WDR37: variants seen among roughly 807,000 people sequenced by gnomAD.
WDR37 encodes the protein WD repeat domain 37.
A neutral mutation model predicts 62.9 loss-of-function variants in WDR37; 19 were observed. That is an observed-to-expected ratio of 0.30 (90% CI 0.21 to 0.44). The LOEUF (loss-of-function observed/expected upper bound fraction) is 0.44. WDR37 is among the 20% of genes least tolerant of loss of function. The probability of loss-of-function intolerance (pLI) is 1.00; values close to 1 mark genes in which losing one functional copy is unlikely to be tolerated. For synonymous variants in WDR37, 250 were observed against 260.9 expected, an observed-to-expected ratio of 0.96 and a Z score of 0.40; for missense variants, 474 against 657.6, an observed-to-expected ratio of 0.72 and a Z score of 3.05.
chr10:1,062,005 CTTT>C (rs113914265), intron 1 of WDR37, among the ~76,000 whole-genome samples: 10 of 144,226 alleles, frequency 6.9e-5, no homozygotes, highest in African/African-American at 1.0e-4. Flanking sequence ...TGGTCTTGAG[CTTT>C]TTTTTTTTTG....
intron 1 of WDR37, among the ~76,000 whole-genome samples, chr10:1,061,818 C>T (rs1461361079): frequency 7.0e-6 from 1 of 142,112 alleles, no homozygotes; most frequent in Non-Finnish European, 1.5e-5. Flanking sequence ...CCAGCCTGGG[C>T]AACAGTGGAG....
At chr10:1,127,467 T>C (rs1192958665) in intron 13 of WDR37, among the ~76,000 whole-genome samples, 1 of 130,926 alleles carries the variant, frequency 7.6e-6, no homozygotes, top group African/African-American at 3.5e-5. Context: ...ATCACTGACT[T>C]ATATTGTCCT....
In WDR37 at chr10:1,132,350, T is replaced by C. The variant is rs1387504561; in HGVS notation, c.*3006T>C. 1 of 152,256 alleles carries C rather than the reference T, an allele frequency of 6.6e-6. No individual in the cohort carries two copies. Among genetic ancestry groups the C allele is most frequent in the Non-Finnish European group, 1.5e-5 (1 of 68,042 alleles). 9.4% of individuals were successfully genotyped at this position (152,256 alleles called of 1,614,324 possible). On this transcript the variant is annotated 3_prime_UTR_variant, in exon 14 of 14. Coordinates refer to ENST00000263150, the MANE Select transcript of WDR37 (RefSeq NM_014023.4). ...TGTGTTTTGTGTCTGTCTCTTATGC[T>C]AACATTAAACAATACATAATTATGT...
chr10:1,094,951 G>T (rs1172973280), intron 8 of WDR37, among the ~76,000 whole-genome samples: 1 of 151,350 alleles, frequency 6.6e-6, no homozygotes, highest in East Asian at 2.0e-4. Flanking sequence ...GAGGTAATGG[G>T]CATAGAGAAG....
chr10:1,117,694 A>G (rs552912910), intron 11 of WDR37, among the ~76,000 whole-genome samples: 2 of 152,346 alleles, frequency 1.3e-5, no homozygotes, highest in African/African-American at 2.4e-5. Context: ...AGAAACCAGC[A>G]TGATACGCAG....
chr10:1,057,355 C>T (rs980404603), intron 1 of WDR37, among the ~76,000 whole-genome samples: 1 of 76,532 alleles, frequency 1.3e-5, no homozygotes, highest in South Asian at 4.1e-4. Context: ...GGCCCGGGGT[C>T]TCTCCCCGCC....
chr10:1,128,112 G>A (rs1195826279), intron 13 of WDR37, among the ~76,000 whole-genome samples: 1 of 152,214 alleles, frequency 6.6e-6, no homozygotes, highest in African/African-American at 2.4e-5. Context: ...TTTTGTGGAT[G>A]TCTTTCCAGA....
Position 1,105,394 on chromosome 10 carries a change from C to T in WDR37, c.1103+127C>T, listed in dbSNP as rs1834969957. 2.5e-6 allele frequency: 3 copies of T among 1,198,288 alleles called. No individual in the cohort carries two copies. Among genetic ancestry groups the T allele is most frequent in the Admixed American group, 2.6e-5 (1 of 38,714 alleles). 74.2% of individuals were successfully genotyped at this position (1,198,288 alleles called of 1,614,324 possible). ...TACTATCTTTCAAAAAAATAACTAC[C>T]TTTCAAATTCTGCTATTCTTTTTCT... On this transcript the variant is annotated intron_variant, in intron 11 of 13. Coordinates refer to ENST00000263150, the MANE Select transcript of WDR37 (RefSeq NM_014023.4). The surrounding 1 kb of genome is among the most constrained non-coding windows in gnomAD (Gnocchi z 5.3).
In WDR37 at chr10:1,099,861, A is replaced by T. The variant is rs183033819; in HGVS notation, c.726+3615A>T. The stretch of plus-strand genomic sequence containing the variant: ...GTGAGGAGGGTGAGCATTGATGCTC[A>T]GGAAATTCAAAATGTGCGCTGATGG... On this transcript the variant is annotated intron_variant, in intron 9 of 13. Transcript: ENST00000263150. 2.0e-5 allele frequency among the ~76,000 whole-genome samples: 3 copies of T among 150,552 alleles called. No individual in the cohort carries two copies. In the East Asian group the frequency reaches 6.0e-4, roughly 30 times the overall value.
chr10:1,096,833 C>T (rs142314762), intron 9 of WDR37, among the ~76,000 whole-genome samples: 21 of 152,220 alleles, frequency 1.4e-4, no homozygotes, highest in African/African-American at 5.1e-4. Context: ...GGTAGAAATA[C>T]GGACATCAAT....
intron 2 of WDR37, among the ~76,000 whole-genome samples, chr10:1,075,781 C>CTTTTTTT (rs1490348337): frequency 9.4e-6 from 1 of 105,982 alleles, no homozygotes; most frequent in African/African-American, 3.0e-5. Flanking sequence ...GTTATTGGAA[C>CTTTTTTT]TTCTTTTTTT....
In WDR37 at chr10:1,129,531, C is replaced by T; in HGVS notation, c.*187C>T. The stretch of plus-strand genomic sequence containing the variant: ...GAGAAATGTGTGGTCGTATTTTTTA[C>T]TTTTGTCTTGTATATGTATGTATAT... On this transcript the variant is annotated 3_prime_UTR_variant, in exon 14 of 14. Transcript: ENST00000263150. The T allele has an allele frequency of 1.1e-6, 1 of 939,400 alleles. No homozygotes were observed. The highest frequency in any genetic ancestry group is 1.5e-6 in the Non-Finnish European group (1 of 659,474). 58.2% of individuals were successfully genotyped at this position (939,400 alleles called of 1,614,324 possible).
At chr10:1,125,988 C>T (rs1468834206) in intron 13 of WDR37, among the ~76,000 whole-genome samples, 1 of 152,148 alleles carries the variant, frequency 6.6e-6, no homozygotes, top group Non-Finnish European at 1.5e-5. Context: ...GCCTGGGGGC[C>T]CGTGTTCAGA....
chr10:1,072,343 G>A, intron 2 of WDR37, 50 bp downstream of exon 2: 1 of 1,601,468 alleles, frequency 6.2e-7, no homozygotes, highest in South Asian at 1.1e-5. Context: ...TTTTGAGACA[G>A]AGTTTCGCTC....
rs1252176127 is a variant in WDR37, at chr10:1,092,319, CGGTCTCTACTAAAAATACAAAAGACCG to C, written c.605-1132_605-1106del. On this transcript the variant is annotated intron_variant, in intron 7 of 13. Coordinates refer to ENST00000263150, the MANE Select transcript of WDR37 (RefSeq NM_014023.4). ...CCAGCCTGGACGACATGGCAAGACCCGGTCTCTACTAAAAATACAAAAGACCGTGTCTCTACTAAAAATACAAAAGAC... is the reference window on the plus strand; with the variant it reads ...CCAGCCTGGACGACATGGCAAGACCCTGTCTCTACTAAAAATACAAAAGAC... 5.3e-5 allele frequency among the ~76,000 whole-genome samples: 8 copies of C among 152,118 alleles called. No homozygotes were observed. The South Asian group carries it at 8.3e-4, about 16-fold the overall frequency.
chr10:1,076,869 G>T (rs1174602156), intron 2 of WDR37, among the ~76,000 whole-genome samples: 1 of 150,628 alleles, frequency 6.6e-6, no homozygotes, highest in African/African-American at 2.4e-5. Context: ...GTGTGGTGGC[G>T]CACGCCTATA....
intron 13 of WDR37, among the ~76,000 whole-genome samples, chr10:1,128,946 G>A (rs536130502): frequency 2.8e-4 from 42 of 150,584 alleles, no homozygotes; most frequent in Middle Eastern, 3.4e-3. Context: ...TCGGTGGTCC[G>A]TGCTCGGCGG....
chr10:1,089,218 C>T (rs537974711), intron 7 of WDR37, among the ~76,000 whole-genome samples: 1 of 152,094 alleles, frequency 6.6e-6, no homozygotes, highest in African/African-American at 2.4e-5. Flanking sequence ...CTGGGGGAGG[C>T]GAGCAGCTGG....
intron 13 of WDR37, 130 bp downstream of exon 13, chr10:1,125,154 G>C: frequency 7.0e-7 from 1 of 1,421,750 alleles, no homozygotes; most frequent in Non-Finnish European, 9.3e-7. Context: ...GCTGTATTTA[G>C]AGTTCATAAA....
Sources: gnomAD v4.1 joint callset for allele counts (sites outside exome capture counted in the v4.1 genomes callset) on GRCh38, gnomAD v4.1.1 for gene constraint, Gnocchi (gnomAD v3.1) non-coding constraint, MANE v1.5 for transcripts, NCBI Gene and HGNC (gene_info 2026-07-23, HGNC 2026-07-21) for gene names.